KAZN: variants seen among roughly 807,000 people sequenced by gnomAD.
KAZN encodes kazrin, periplakin interacting protein, also known as kazrin.
A neutral mutation model predicts 87.4 loss-of-function variants in KAZN; 40 were observed. That is an observed-to-expected ratio of 0.46 (90% CI 0.36 to 0.60). The LOEUF (loss-of-function observed/expected upper bound fraction) is 0.60, where lower values mean the gene tolerates loss of function less well. Among genes scored for constraint, KAZN ranks in the 20% least tolerant of loss-of-function variants. KAZN has a pLI of 0.00. For missense variants in KAZN, 898 were observed against 1,073.9 expected, an observed-to-expected ratio of 0.84 and a Z score of 2.29; for synonymous variants, 466 against 458.3, an observed-to-expected ratio of 1.02 and a Z score of -0.22.
chr1:14,272,084 C>A (rs536003397), intron 2 of KAZN, among the ~76,000 whole-genome samples: 2 of 152,230 alleles, frequency 1.3e-5, no homozygotes, highest in Non-Finnish European at 2.9e-5. Context: ...GGAACAAGAG[C>A]TTACTAATTA....
intron 2 of KAZN, among the ~76,000 whole-genome samples, chr1:14,406,271 A>C (rs1270215580): frequency 6.6e-6 from 1 of 152,180 alleles, no homozygotes; most frequent in African/African-American, 2.4e-5. Context: ...TAAAAAATAA[A>C]AATAAAAATT....
chr1:15,034,862 C>A lies in KAZN; in HGVS notation c.532C>A (p.Arg178Ser). Residue 178 changes from arginine to serine, a missense_variant, in exon 3 of 15, where the codon CGC (arginine) becomes AGC (serine). Arg to Ser is a moderately radical substitution (Grantham distance 110). Transcript: ENST00000376030. ...SREEQLRDFI[R>S]NYEQHRKESE... The stretch of plus-strand genomic sequence containing the variant: ...CGAGGAGCAGCTCCGAGACTTCATC[C>A]GCAACTATGAGCAGCACCGCAAGGT... 6.2e-7 allele frequency: 1 copy of A among 1,613,942 alleles called. No individual in the cohort carries two copies. Among genetic ancestry groups the A allele is most frequent in the Non-Finnish European group, 8.5e-7 (1 of 1,179,942 alleles).
intron 3 of KAZN, among the ~76,000 whole-genome samples, chr1:15,039,814 G>T (rs923525950): frequency 1.3e-5 from 2 of 152,182 alleles, no homozygotes; most frequent in African/African-American, 2.4e-5. Flanking sequence ...CTGGGGTGGG[G>T]TTGACGCTAC....
intron 1 of KAZN, among the ~76,000 whole-genome samples, chr1:14,885,758 C>G (rs1285335234): frequency 6.6e-6 from 1 of 152,144 alleles, no homozygotes. Flanking sequence ...TGTCTCTTTC[C>G]TTCACTGCTC....
At chr1:15,041,125 ATTTTT>A (rs376156652) in intron 3 of KAZN, among the ~76,000 whole-genome samples, 49 of 139,048 alleles carry the variant, frequency 3.5e-4, no homozygotes, top group Non-Finnish European at 3.7e-4. Flanking sequence ...GAATTTTTGT[ATTTTT>A]TTTTTTTTTT....
chr1:14,611,891 C>T (rs1356321966), intron 1 of KAZN, among the ~76,000 whole-genome samples: 2 of 152,080 alleles, frequency 1.3e-5, no homozygotes, highest in Non-Finnish European at 2.9e-5. Context: ...GCTTTGGGCA[C>T]CATAAAATAT....
intron 1 of KAZN, among the ~76,000 whole-genome samples, chr1:14,766,273 C>T (rs12093747): frequency 0.12 from 17,816 of 152,016 alleles, 1,200 homozygotes; most frequent in South Asian, 0.25. Context: ...AGCTCCTGGG[C>T]TGCCTGAGTG....
At chr1:14,946,616 G>A (rs2101675826) in intron 1 of KAZN, among the ~76,000 whole-genome samples, 1 of 152,304 alleles carries the variant, frequency 6.6e-6, no homozygotes, top group Admixed American at 6.5e-5. Context: ...ATCTGAAGAT[G>A]TGTGAACTGC....
At chr1:14,214,230 A>G (rs992336131) in intron 2 of KAZN, among the ~76,000 whole-genome samples, 1 of 26,526 alleles carries the variant, frequency 3.8e-5, no homozygotes, top group Admixed American at 5.3e-4. Flanking sequence ...ACCTCACCTC[A>G]CTCCGGCTTT....
At chr1:14,432,073 A>G (rs1332337016) in intron 2 of KAZN, among the ~76,000 whole-genome samples, 1 of 151,854 alleles carries the variant, frequency 6.6e-6, no homozygotes, top group Non-Finnish European at 1.5e-5. Flanking sequence ...CTAAAATCAA[A>G]GACTATGTGA....
intron 2 of KAZN, among the ~76,000 whole-genome samples, chr1:14,183,793 C>T (rs1646248322): frequency 6.6e-6 from 1 of 152,046 alleles, no homozygotes; most frequent in South Asian, 2.1e-4. Flanking sequence ...GCAGGAAGGT[C>T]CCCCTCTTGA....
intron 2 of KAZN, among the ~76,000 whole-genome samples, chr1:14,466,945 G>C (rs1465862387): frequency 6.6e-6 from 1 of 152,162 alleles, no homozygotes; most frequent in Non-Finnish European, 1.5e-5. Flanking sequence ...CTCCAGCCTG[G>C]GCGACAGTGC....
chr1:14,470,557 G>T (rs1253268640), intron 2 of KAZN, among the ~76,000 whole-genome samples: 1 of 152,206 alleles, frequency 6.6e-6, no homozygotes, highest in Non-Finnish European at 1.5e-5. Context: ...AGATAGAAGA[G>T]CCACATTAGC....
At chr1:13,917,017 G>A (rs142125530) in intron 1 of KAZN, among the ~76,000 whole-genome samples, 6 of 151,552 alleles carry the variant, frequency 4.0e-5, no homozygotes, top group African/African-American at 1.2e-4. Flanking sequence ...TATTTGATTC[G>A]ATTAGAAGAA....
intron 1 of KAZN, among the ~76,000 whole-genome samples, chr1:14,720,861 C>T (rs570004299): frequency 3.3e-5 from 5 of 152,254 alleles, no homozygotes; most frequent in South Asian, 2.1e-4. Context: ...GGACTACTAC[C>T]GCGCCTGACC....
At chr1:14,208,112 C>T (rs925512795) in intron 2 of KAZN, among the ~76,000 whole-genome samples, 4 of 152,172 alleles carry the variant, frequency 2.6e-5, no homozygotes, top group African/African-American at 9.7e-5. Flanking sequence ...AGTGTCCATG[C>T]TGTTTGGGCT....
intron 2 of KAZN, among the ~76,000 whole-genome samples, chr1:14,546,236 T>G (rs747230061): frequency 5.3e-5 from 8 of 152,296 alleles, no homozygotes; most frequent in Non-Finnish European, 1.0e-4. Context: ...ATACACACTG[T>G]CAATAGCCAA....
chr1:14,407,186 T>C (rs1663923203), intron 2 of KAZN, among the ~76,000 whole-genome samples: 1 of 152,234 alleles, frequency 6.6e-6, no homozygotes, highest in Non-Finnish European at 1.5e-5. Flanking sequence ...CTCGTTTTTG[T>C]ATTTTCAACA....
At chr1:14,008,678 T>C (rs1365783501) in intron 1 of KAZN, among the ~76,000 whole-genome samples, 1 of 152,188 alleles carries the variant, frequency 6.6e-6, no homozygotes, top group East Asian at 1.9e-4. Flanking sequence ...TTTCATTTTT[T>C]TGGAGGATGA....
Sources: allele counts gnomAD v4.1 joint callset (sites outside exome capture counted in the v4.1 genomes callset), GRCh38; gene constraint gnomAD v4.1.1; transcripts MANE v1.5; gene names NCBI Gene and HGNC (gene_info 2026-07-23, HGNC 2026-07-21).